HERC3: variants seen among roughly 807,000 people sequenced by gnomAD.
The protein encoded by HERC3 is probable E3 ubiquitin-protein ligase HERC3.
In HERC3, 58 loss-of-function variants were observed where a neutral mutation model predicts 129.9. That is an observed-to-expected ratio of 0.45 (90% CI 0.36 to 0.56). HERC3 has a LOEUF of 0.56. HERC3 is among the 20% of genes least tolerant of loss of function. The pLI, the probability that HERC3 is intolerant of heterozygous loss-of-function variation, is 0.00. For synonymous variants in HERC3, 430 were observed against 451.0 expected, an observed-to-expected ratio of 0.95 and a Z score of 0.59; for missense variants, 835 against 1,244.2, an observed-to-expected ratio of 0.67 and a Z score of 4.95.
chr4:88,648,775 A>C (rs1009433974), intron 3 of HERC3, among the ~76,000 whole-genome samples: 4 of 151,156 alleles, frequency 2.6e-5, no homozygotes, highest in Admixed American at 2.6e-4. Flanking sequence ...CTCTTTCTGG[A>C]TGTTGGACCT....
At chr4:88,643,928 AC>A (rs1287663183) in intron 3 of HERC3, among the ~76,000 whole-genome samples, 1 of 152,194 alleles carries the variant, frequency 6.6e-6, no homozygotes, top group Non-Finnish European at 1.5e-5. Flanking sequence ...GAATGAAAAA[AC>A]AACTCAATAG....
Position 88,651,997 on chromosome 4 carries a change from C to T in HERC3, c.387-15C>T, listed in dbSNP as rs764792053. 1 of 1,568,196 alleles carries T rather than the reference C, an allele frequency of 6.4e-7. No individual in the cohort carries two copies. The highest frequency in any genetic ancestry group is 8.8e-7 in the Non-Finnish European group (1 of 1,140,622). ...GTGAATATCTATCTGAAAAAGAAAG[C>T]CTTTTCTGTTTTAGGTTAATACAAA... On this transcript the variant is annotated splice_polypyrimidine_tract_variant and intron_variant, in intron 4 of 25. Coordinates refer to ENST00000402738, the MANE Select transcript of HERC3 (RefSeq NM_014606.3).
chr4:88,634,247 G>A (rs73844051), intron 3 of HERC3, among the ~76,000 whole-genome samples: 1 of 152,336 alleles, frequency 6.6e-6, no homozygotes, highest in African/African-American at 2.4e-5. Flanking sequence ...CCACTCGTGA[G>A]CCCATGCTAC....
chr4:88,541,936 C>A, the HERC3 span, among the ~76,000 whole-genome samples: 3 of 152,176 alleles, frequency 2.0e-5, no homozygotes, highest in Admixed American at 1.3e-4. Flanking sequence ...CTCTGGGACA[C>A]ATTTAAAGCA....
chr4:88,555,141 G>C, the HERC3 span, among the ~76,000 whole-genome samples: 3 of 152,136 alleles, frequency 2.0e-5, no homozygotes, highest in South Asian at 4.2e-4. Context: ...AAAATTAGGT[G>C]GGCGTGGTGG....
intron 9 of HERC3, 72 bp downstream of exon 9, chr4:88,656,107 T>C: frequency 6.9e-7 from 1 of 1,454,416 alleles, no homozygotes; most frequent in Non-Finnish European, 9.5e-7. Context: ...AATATGTATC[T>C]ATTACTTACT....
At position 88,605,829 on chromosome 4, in the gene HERC3, A is replaced by G; in HGVS notation, c.6A>G (p.Leu2=). ...TTCCCTGAAAGATAAGAACAATGTT[A>G]TGTTGGGGATATTGGTCTCTGGGCC... M[L]CWGYWSLGQP... Residue 2 remains leucine, a synonymous_variant, in exon 3 of 26, where the codon TTA becomes TTG. Coordinates refer to ENST00000402738, the MANE Select transcript of HERC3 (RefSeq NM_014606.3). The G allele has an allele frequency of 6.2e-7, 1 of 1,613,050 alleles. No homozygotes were observed. The highest frequency in any genetic ancestry group is 8.5e-7 in the Non-Finnish European group (1 of 1,178,954).
chr4:88,577,786 T>C, the HERC3 span, among the ~76,000 whole-genome samples: 1 of 152,086 alleles, frequency 6.6e-6, no homozygotes, highest in Non-Finnish European at 1.5e-5. Flanking sequence ...TACTGTTTGA[T>C]GAAACAATTC....
chr4:88,680,600 C>G (rs946090136), intron 20 of HERC3, among the ~76,000 whole-genome samples: 3 of 152,202 alleles, frequency 2.0e-5, no homozygotes, highest in African/African-American at 7.2e-5. Context: ...TGTGCATGCA[C>G]ACTTTATTTT....
At chr4:88,649,136 A>T (rs1729003193) in intron 3 of HERC3, among the ~76,000 whole-genome samples, 1 of 151,876 alleles carries the variant, frequency 6.6e-6, no homozygotes, top group South Asian at 2.1e-4. Flanking sequence ...AGTTTTCCTC[A>T]CACATAGGGT....
the HERC3 span, among the ~76,000 whole-genome samples, chr4:88,562,465 C>T: frequency 1.3e-5 from 2 of 152,052 alleles, no homozygotes; most frequent in African/African-American, 4.8e-5. Flanking sequence ...TGTCTCTTCA[C>T]TTTGTTGATT....
At chr4:88,535,070 G>GA in the HERC3 span, among the ~76,000 whole-genome samples, 1 of 152,166 alleles carries the variant, frequency 6.6e-6, no homozygotes, top group South Asian at 2.1e-4. Context: ...TATTGCATAT[G>GA]AAAAAAATAG....
intron 4 of HERC3, among the ~76,000 whole-genome samples, chr4:88,651,209 T>A (rs1729238554): frequency 6.6e-6 from 1 of 152,206 alleles, no homozygotes; most frequent in African/African-American, 2.4e-5. Flanking sequence ...TTAACGGCAT[T>A]TCATTTTTAA....
chr4:88,617,338 A>G (rs1051331159), intron 3 of HERC3, among the ~76,000 whole-genome samples: 1 of 152,156 alleles, frequency 6.6e-6, no homozygotes, highest in African/African-American at 2.4e-5. Context: ...CATACTAATA[A>G]GAGCTTGCAG....
chr4:88,656,260 C>T, intron 9 of HERC3: 1 of 541,528 alleles, frequency 1.8e-6, no homozygotes, highest in South Asian at 2.6e-5. Context: ...GCCGTTCTTG[C>T]ATTGCTGTAA....
At chr4:88,651,819 C>A (rs1391815613) in intron 4 of HERC3, among the ~76,000 whole-genome samples, 193 bp from the exon 5 acceptor site, 1 of 152,162 alleles carries the variant, frequency 6.6e-6, no homozygotes, top group Non-Finnish European at 1.5e-5. Flanking sequence ...AACTCCTGAC[C>A]TCAGGTGATA....
At chr4:88,615,153 A>G (rs1243595074) in intron 3 of HERC3, among the ~76,000 whole-genome samples, 1 of 152,152 alleles carries the variant, frequency 6.6e-6, no homozygotes, top group East Asian at 1.9e-4. Flanking sequence ...ATTTTTGTAA[A>G]TCCACCCTTT....
intron 12 of HERC3, among the ~76,000 whole-genome samples, chr4:88,665,336 CTCTCAG>C (rs1730936900): frequency 6.6e-6 from 1 of 152,198 alleles, no homozygotes; most frequent in Non-Finnish European, 1.5e-5. Flanking sequence ...GATGGTGTAA[CTCTCAG>C]TCTGAGGCTG....
At chr4:88,590,886 T>A (rs1322381683), upstream of HERC3, among the ~76,000 whole-genome samples, 4 of 144,676 alleles carry the variant, frequency 2.8e-5, no homozygotes, top group Admixed American at 2.7e-4. Context: ...CCTTTTTCTT[T>A]CTTTTTTTTT....
Sources: gnomAD v4.1 joint callset for allele counts (sites outside exome capture counted in the v4.1 genomes callset) on GRCh38, gnomAD v4.1.1 for gene constraint, MANE v1.5 for transcripts, NCBI Gene and HGNC (gene_info 2026-07-23, HGNC 2026-07-21) for gene names.